PROS1: variants seen among roughly 807,000 people sequenced by gnomAD.
PROS1 encodes protein S, also known as vitamin K-dependent protein S.
A neutral mutation model predicts 75.9 loss-of-function variants in PROS1; 29 were observed. The observed-to-expected ratio is 0.38, with a 90% CI of 0.28 to 0.52. PROS1 has a LOEUF of 0.52. Ranked by LOEUF, PROS1 falls within the 20% of genes least tolerant of loss-of-function variation. PROS1 has a pLI of 0.83. For missense variants in PROS1, 680 were observed against 810.3 expected, an observed-to-expected ratio of 0.84 and a Z score of 1.95; for synonymous variants, 245 against 280.6, an observed-to-expected ratio of 0.87 and a Z score of 1.27.
At chr3:93,914,955 C>T (rs1708819007) in intron 3 of PROS1, among the ~76,000 whole-genome samples, 1 of 152,128 alleles carries the variant, frequency 6.6e-6, no homozygotes, top group South Asian at 2.1e-4. Flanking sequence ...TTACTTCACT[C>T]AGACTAAAGA....
intron 4 of PROS1, 24 bp from the exon 5 acceptor site, chr3:93,906,167 AT>A (rs746737659): frequency 1.5e-5 from 24 of 1,609,666 alleles, no homozygotes; most frequent in South Asian, 5.5e-5. Context: ...ACATCTATTT[AT>A]TTTTTTTATC....
intron 1 of PROS1, among the ~76,000 whole-genome samples, chr3:93,954,450 A>G (rs1709564134): frequency 6.6e-6 from 1 of 152,194 alleles, no homozygotes; most frequent in Non-Finnish European, 1.5e-5. Context: ...ATCTTTGACA[A>G]ACCTGACAAA....
At position 93,931,218 on chromosome 3, in the gene PROS1, C is replaced by T. The variant is rs73846072; in HGVS notation, c.77-3811G>A. Among the ~76,000 whole-genome samples the T allele has an allele frequency of 2.3e-3, 350 of 152,258 alleles. 2 individuals carry two copies. Among genetic ancestry groups the T allele is most frequent in the Admixed American group, 6.3e-3 (97 of 15,286 alleles). On this transcript the variant is annotated intron_variant, in intron 1 of 14. Coordinates refer to ENST00000394236, the MANE Select transcript of PROS1 (RefSeq NM_000313.4). The stretch of plus-strand genomic sequence containing the variant: ...GTGACATGATTTGCTACGAGTTGTG[C>T]TAATGGAATTCAAATATACCCATCC...
chr3:93,903,545 C>T (rs952194536), intron 6 of PROS1, among the ~76,000 whole-genome samples: 1 of 152,038 alleles, frequency 6.6e-6, no homozygotes, highest in Non-Finnish European at 1.5e-5. Flanking sequence ...TGGTGCACAC[C>T]TGTAGTCCCA....
intron 1 of PROS1, among the ~76,000 whole-genome samples, chr3:93,952,422 A>T (rs1378487732): frequency 6.6e-6 from 1 of 152,104 alleles, no homozygotes; most frequent in African/African-American, 2.4e-5. Context: ...GGATTAAGAA[A>T]CTCACTCAAA....
chr3:93,886,600 A>G lies in PROS1; in HGVS notation c.1156-97T>C, dbSNP rs372906612. 1.3e-5 allele frequency: 12 copies of G among 922,420 alleles called. No individual in the cohort carries two copies. The East Asian group carries it at 2.9e-4, about 23-fold the overall frequency. 57.1% of individuals were successfully genotyped at this position (922,420 alleles called of 1,614,324 possible). A position where few individuals can be genotyped will look rare whatever the true frequency, so the allele number is the denominator to read the frequency against. On this transcript the variant is annotated intron_variant, in intron 10 of 14. Coordinates refer to ENST00000394236, the MANE Select transcript of PROS1 (RefSeq NM_000313.4). ...ACTTATGTTATTATTCCAATAAAAT[A>G]CTTCTGTAAAGTAATCATTTTAATG...
chr3:93,921,644 AT>A (rs1708944818), intron 3 of PROS1, among the ~76,000 whole-genome samples: 1 of 152,192 alleles, frequency 6.6e-6, no homozygotes, highest in Admixed American at 6.5e-5. Context: ...CATCCATTTT[AT>A]TTAGGTTTCC....
At chr3:93,886,236 AC>A in intron 11 of PROS1, 99 bp downstream of exon 11, 1 of 1,142,240 alleles carries the variant, frequency 8.8e-7, no homozygotes, top group Non-Finnish European at 1.3e-6. Flanking sequence ...AGTATGCTTA[AC>A]AAAACAACTT....
rs144592155 is a variant in PROS1 at position 93,915,139 on chromosome 3, C to A, written c.260-4434G>T. Among the ~76,000 whole-genome samples, 210 of 152,326 alleles carry A rather than the reference C, an allele frequency of 1.4e-3. 2 individuals are homozygous for A. Among genetic ancestry groups the A allele is most frequent in the Admixed American group, 3.9e-3 (59 of 15,302 alleles). ...TGTAAATCCAAGCTTTAAATCATTT[C>A]TCTTTTTCTCATATATTACTGTATG... On this transcript the variant is annotated intron_variant, in intron 3 of 14. Transcript: ENST00000394236.
chr3:93,909,146 T>C (rs886276473), intron 4 of PROS1, among the ~76,000 whole-genome samples: 5 of 152,058 alleles, frequency 3.3e-5, no homozygotes, highest in Non-Finnish European at 5.9e-5. Flanking sequence ...TATTAAGAAG[T>C]ACAAAGTAGG....
chr3:93,882,855 A>G (rs1354750645), intron 12 of PROS1, among the ~76,000 whole-genome samples: 2 of 152,166 alleles, frequency 1.3e-5, no homozygotes, highest in African/African-American at 4.8e-5. Flanking sequence ...AGCCCCATCT[A>G]GATCCTTCTC....
chr3:93,963,457 G>T (rs1269054708), intron 1 of PROS1, among the ~76,000 whole-genome samples: 1 of 152,178 alleles, frequency 6.6e-6, no homozygotes, highest in Non-Finnish European at 1.5e-5. Flanking sequence ...CTCATAAGAA[G>T]AGATCTATGA....
At chr3:93,885,677 A>G (rs1257979357) in intron 11 of PROS1, among the ~76,000 whole-genome samples, 1 of 152,194 alleles carries the variant, frequency 6.6e-6, no homozygotes, top group Admixed American at 6.5e-5. Context: ...AATGATTGAT[A>G]CTTTTTGAAT....
At chr3:93,903,448 C>T (rs2107166954) in intron 6 of PROS1, among the ~76,000 whole-genome samples, 1 of 152,166 alleles carries the variant, frequency 6.6e-6, no homozygotes. Flanking sequence ...TGGATCACTT[C>T]AACCCAAGAA....
chr3:93,899,241 A>C (rs1201730402), intron 7 of PROS1, among the ~76,000 whole-genome samples: 2 of 151,974 alleles, frequency 1.3e-5, no homozygotes, highest in Non-Finnish European at 2.9e-5. Flanking sequence ...ATTTTGAGAA[A>C]ATCATTCTTG....
intron 7 of PROS1, among the ~76,000 whole-genome samples, chr3:93,899,692 TA>T (rs1163445013): frequency 1.3e-5 from 2 of 152,112 alleles, no homozygotes; most frequent in Non-Finnish European, 2.9e-5. Context: ...CATACGTAGT[TA>T]AAAAATATAT....
intron 14 of PROS1, among the ~76,000 whole-genome samples, chr3:93,876,364 G>C (rs1414526864): frequency 6.6e-6 from 1 of 152,036 alleles, no homozygotes; most frequent in East Asian, 1.9e-4. Flanking sequence ...CGAGGCGAGC[G>C]GATCGCAAGG....
chr3:93,882,763 A>G (rs1708291386), intron 12 of PROS1, among the ~76,000 whole-genome samples: 1 of 152,110 alleles, frequency 6.6e-6, no homozygotes, highest in Non-Finnish European at 1.5e-5. Flanking sequence ...TCAAGAGAAA[A>G]CAGAGTGCAG....
At chr3:93,972,486 T>C (rs1472105466) in intron 1 of PROS1, among the ~76,000 whole-genome samples, 2 of 152,206 alleles carry the variant, frequency 1.3e-5, no homozygotes, top group Non-Finnish European at 2.9e-5. Context: ...TCCTAAAAGT[T>C]ATTTGTAATT....
Sources: allele counts gnomAD v4.1 joint callset (sites outside exome capture counted in the v4.1 genomes callset), GRCh38; gene constraint gnomAD v4.1.1; transcripts MANE v1.5; gene names NCBI Gene and HGNC (gene_info 2026-07-23, HGNC 2026-07-21).